The following LMO3 variants were observed in gnomAD, a reference collection of about 807,000 sequenced individuals.
LMO3 encodes LIM domain only protein 3.
A neutral mutation model predicts 15.8 loss-of-function variants in LMO3; 2 were observed. The observed-to-expected ratio is 0.13, with a 90% CI of 0.05 to 0.40. The LOEUF is 0.40. LMO3 is among the 10% of genes least tolerant of loss of function. LMO3 has a pLI of 0.99. For synonymous variants in LMO3, 62 were observed against 63.8 expected (o/e 0.97, Z 0.13); for missense variants, 86 against 182.2 (o/e 0.47, Z 3.04).
Position 16,560,358 on chromosome 12 carries a change from T to C in LMO3, c.332+55A>G, listed in dbSNP as rs1942356333. 1.3e-6 allele frequency: 2 copies of C among 1,543,654 alleles called. No individual in the cohort carries two copies. Among genetic ancestry groups the C allele is most frequent in the South Asian group, 1.2e-5 (1 of 81,124 alleles). ...ATATAATTTCCACCTATTAAATAAA[T>C]AGCCAGCACAGAGAGGTTAACCATT... On this transcript the variant is annotated intron_variant, in intron 3 of 3. Coordinates refer to ENST00000537304, the MANE Select transcript of LMO3 (RefSeq NM_018640.5). This position sits in a 1 kb window ranked among gnomAD's most constrained non-coding sequence, Gnocchi z 5.0.
chr12:16,586,317 C>A lies in LMO3; in HGVS notation c.206+14338G>T, dbSNP rs1316107850. 2.0e-5 allele frequency among the ~76,000 whole-genome samples: 3 copies of A among 152,150 alleles called. No individual in the cohort carries two copies. The highest frequency in any genetic ancestry group is 2.9e-5 in the Non-Finnish European group (2 of 68,030). Reference sequence around the variant, plus strand: ...GTCATGATACGATGAAGTCCACATACGGAACAACTAAGAAACAACTAAAAC... The same window carrying A: ...GTCATGATACGATGAAGTCCACATAAGGAACAACTAAGAAACAACTAAAAC... On this transcript the variant is annotated intron_variant, in intron 2 of 3. Coordinates refer to ENST00000537304, the MANE Select transcript of LMO3 (RefSeq NM_018640.5). This position sits in a 1 kb window ranked among gnomAD's most constrained non-coding sequence, Gnocchi z 4.3.
At chr12:16,575,759 C>T (rs1314237200) in intron 2 of LMO3, among the ~76,000 whole-genome samples, 1 of 152,128 alleles carries the variant, frequency 6.6e-6, no homozygotes, top group African/African-American at 2.4e-5. Flanking sequence ...TCACTACTAC[C>T]TCTTAAAGAT....
chr12:16,580,425 GT>G (rs1351834900), intron 2 of LMO3, among the ~76,000 whole-genome samples: 8 of 152,226 alleles, frequency 5.3e-5, no homozygotes, highest in African/African-American at 1.7e-4. Context: ...ATAAGTGAAT[GT>G]CATGAAAATG....
Position 16,559,714 on chromosome 12 carries a change from G to A in LMO3, c.332+699C>T, listed in dbSNP as rs1475995649. ...GCCTATAATCCCTGCACTTTGGGAG[G>A]TGGAGGTGGGAGGATTGCTTGAGGC... On this transcript the variant is annotated intron_variant, in intron 3 of 3. Transcript: ENST00000537304. The surrounding 1 kb of genome is among the most constrained non-coding windows in gnomAD (Gnocchi z 4.1). Among the ~76,000 whole-genome samples, 4 of 152,024 alleles carry A rather than the reference G, an allele frequency of 2.6e-5. No individual in the cohort carries two copies. The highest frequency in any genetic ancestry group is 5.9e-5 in the Non-Finnish European group (4 of 68,006).
rs1234076819 is a variant in LMO3, at chr12:16,548,689, C to T, written c.*2533G>A. 6.6e-6 allele frequency: 1 copy of T among 152,060 alleles called. No homozygotes were observed. Among genetic ancestry groups the T allele is most frequent in the Non-Finnish European group, 1.5e-5 (1 of 67,998 alleles). The allele number at this position is 152,060 out of a possible 1,614,324, so 9.4% of individuals were successfully genotyped here. A position where few individuals can be genotyped will look rare whatever the true frequency, so the allele number is the denominator to read the frequency against. ...GGGAAAGTTGACAACAATTCAGGGG[C>T]TTTGAGTAGTCAAGACAATTAGCTT... On this transcript the variant is annotated 3_prime_UTR_variant, in exon 4 of 4. Transcript: ENST00000537304. The surrounding 1 kb of genome is among the most constrained non-coding windows in gnomAD (Gnocchi z 4.2).
At chr12:16,579,540 G>C (rs544100170) in intron 2 of LMO3, among the ~76,000 whole-genome samples, 1 of 152,206 alleles carries the variant, frequency 6.6e-6, no homozygotes, top group South Asian at 2.1e-4. Flanking sequence ...CGGCATTATG[G>C]CCTAATAATT....
chr12:16,553,867 GAA>G (rs75193044), intron 3 of LMO3, among the ~76,000 whole-genome samples: 17 of 132,600 alleles, frequency 1.3e-4, no homozygotes, highest in Admixed American at 1.5e-4. Context: ...GCATTTGCAG[GAA>G]AAAAAAAAAA....
At chr12:16,594,394 G>T in intron 2 of LMO3, 2 of 706,308 alleles carry the variant, frequency 2.8e-6, no homozygotes, top group Non-Finnish European at 4.2e-6. Flanking sequence ...TACAAATGGA[G>T]TTTTATAAAA....
rs2137332255 is a variant in LMO3 at position 16,560,517 on chromosome 12, G to C, written c.228C>G (p.Asn76Lys). 6.2e-7 allele frequency: 1 copy of C among 1,612,312 alleles called. No homozygotes were observed. The highest frequency in any genetic ancestry group is 1.7e-5 in the Admixed American group (1 of 59,796). Residue 76 changes from asparagine (N) to lysine (K), a missense_variant, in exon 3 of 4, where the codon AAC becomes AAG. Asn to Lys is a moderately conservative substitution (Grantham distance 94). Transcript: ENST00000537304. The surrounding 1 kb of genome is among the most constrained non-coding windows in gnomAD (Gnocchi z 5.0). ...DYLRLFGVTG[N>K]CAACSKLIPA... ...GGATGAGCTTACTACAGGCAGCGCA[G>C]TTTCCCGTTACACCAAAGAGCCTAG... is the stretch of plus-strand genomic sequence containing the variant.
Position 16,560,273 on chromosome 12 carries a change from G to T in LMO3, c.332+140C>A. On this transcript the variant is annotated intron_variant, in intron 3 of 3. Coordinates refer to ENST00000537304, the MANE Select transcript of LMO3 (RefSeq NM_018640.5). This position sits in a 1 kb window ranked among gnomAD's most constrained non-coding sequence, Gnocchi z 5.0. ...TCTTCTCCTTAGTAGCTTGTCTCTG[G>T]CATGGGATTAAAGTTTACAGAACAG... 1.2e-6 allele frequency: 1 copy of T among 840,114 alleles called. No individual in the cohort carries two copies. 52.0% of individuals were successfully genotyped at this position (840,114 alleles called of 1,614,324 possible). A position where few individuals can be genotyped will look rare whatever the true frequency, so the allele number is the denominator to read the frequency against.
intron 1 of LMO3, among the ~76,000 whole-genome samples, chr12:16,601,228 G>T (rs1943812356): frequency 6.6e-6 from 1 of 152,132 alleles, no homozygotes; most frequent in Admixed American, 6.5e-5. Flanking sequence ...AATCTGAAAA[G>T]AAAGCTATTT....
intron 2 of LMO3, among the ~76,000 whole-genome samples, chr12:16,588,734 C>T (rs1022380537): frequency 6.6e-6 from 1 of 152,088 alleles, no homozygotes; most frequent in Non-Finnish European, 1.5e-5. Flanking sequence ...CACCCATCTC[C>T]TTTGCACACG....
intron 2 of LMO3, among the ~76,000 whole-genome samples, chr12:16,562,200 T>C (rs1942431483): frequency 6.6e-6 from 1 of 152,196 alleles, no homozygotes; most frequent in East Asian, 1.9e-4. Context: ...TTTTAGTTCA[T>C]TCTAACATTT....
intron 2 of LMO3, chr12:16,594,081 A>C: frequency 6.7e-7 from 1 of 1,496,238 alleles, no homozygotes; most frequent in Admixed American, 2.0e-5. Flanking sequence ...ATAGTTTGCA[A>C]TATTAACGAA....
chr12:16,568,727 T>C (rs985518867), intron 2 of LMO3, among the ~76,000 whole-genome samples: 9 of 152,236 alleles, frequency 5.9e-5, no homozygotes, highest in African/African-American at 2.2e-4. Flanking sequence ...CTTGGCTACT[T>C]TGGCTACTAG....
chr12:16,592,564 T>C (rs769409637), intron 2 of LMO3, among the ~76,000 whole-genome samples: 4 of 151,944 alleles, frequency 2.6e-5, no homozygotes, highest in Admixed American at 6.6e-5. Context: ...GCTTTTTCCA[T>C]CCACTTCCCT....
Position 16,560,532 on chromosome 12 carries a change from A to G in LMO3, c.213T>C (p.Phe71=). 6.2e-7 allele frequency: 1 copy of G among 1,607,852 alleles called. No homozygotes were observed. Among genetic ancestry groups the G allele is most frequent in the Middle Eastern group, 1.7e-4 (1 of 6,040 alleles). ...ILCRRDYLRL[F]GVTGNCAACS... ...AGGCAGCGCAGTTTCCCGTTACACC[A>G]AAGAGCCTAGAATAAGAAACATTTT... Residue 71 remains phenylalanine, a synonymous_variant, in exon 3 of 4, where the codon TTT becomes TTC. Transcript: ENST00000537304. The surrounding 1 kb of genome is among the most constrained non-coding windows in gnomAD (Gnocchi z 5.0).
Position 16,550,601 on chromosome 12 carries a change from T to C in LMO3, c.*621A>G, listed in dbSNP as rs1481711709. 6.6e-6 allele frequency: 1 copy of C among 152,358 alleles called. No homozygotes were observed. Among genetic ancestry groups the C allele is most frequent in the African/African-American group, 2.4e-5 (1 of 41,450 alleles). 9.4% of individuals were successfully genotyped at this position (152,358 alleles called of 1,614,324 possible). A position where few individuals can be genotyped will look rare whatever the true frequency, so the allele number is the denominator to read the frequency against. ...TTAACCCCCTGAAAATAGGGGGTTA[T>C]AACAAGAACACTGATAGACTCTAAC... is the stretch of plus-strand genomic sequence containing the variant. On this transcript the variant is annotated 3_prime_UTR_variant, in exon 4 of 4. Transcript: ENST00000537304.
intron 2 of LMO3, among the ~76,000 whole-genome samples, chr12:16,578,859 A>AC (rs1227730668): frequency 4.0e-4 from 60 of 150,242 alleles, no homozygotes; most frequent in East Asian, 2.2e-3. Context: ...AACAACAACA[A>AC]AACATTAATT....
Sources: gnomAD v4.1 joint callset for allele counts (sites outside exome capture counted in the v4.1 genomes callset) on GRCh38, gnomAD v4.1.1 for gene constraint, Gnocchi (gnomAD v3.1) non-coding constraint, MANE v1.5 for transcripts, NCBI Gene and HGNC (gene_info 2026-07-23, HGNC 2026-07-21) for gene names.